Variants in ATG4B observed in about 807,000 individuals in gnomAD.
ATG4B encodes autophagy related 4B cysteine peptidase.
Under a neutral mutation model 56.6 loss-of-function variants are expected in ATG4B, and 29 were observed. The ratio of observed to expected loss-of-function variants is 0.51; its 90% CI spans 0.38 to 0.70. The LOEUF is 0.70. Ranked by LOEUF, ATG4B falls within the 30% of genes least tolerant of loss-of-function variation. The pLI is 0.00. For synonymous variants in ATG4B, 224 were observed against 206.1 expected (o/e 1.09, Z -0.74); for missense variants, 461 against 515.5 (o/e 0.89, Z 1.02).
chr2:241,659,560 T>C, intron 7 of ATG4B: 1 of 353,232 alleles, frequency 2.8e-6, no homozygotes, highest in Non-Finnish European at 5.6e-6. Flanking sequence ...CATCTCTAGC[T>C]GCACCATCTC....
intron 10 of ATG4B, among the ~76,000 whole-genome samples, chr2:241,669,698 G>C (rs952943654): frequency 6.6e-6 from 1 of 152,154 alleles, no homozygotes; most frequent in African/African-American, 2.4e-5. Context: ...TAATAGAGAC[G>C]GGTTTTCACT....
At chr2:241,653,644 C>G in intron 4 of ATG4B, 34 bp downstream of exon 4, 1 of 1,547,824 alleles carries the variant, frequency 6.5e-7, no homozygotes, top group East Asian at 2.4e-5. Context: ...CGCATGGCCA[C>G]GGTGTTCTCA....
intron 1 of ATG4B, among the ~76,000 whole-genome samples, chr2:241,637,981 T>G (rs1028244852): frequency 2.6e-5 from 4 of 151,476 alleles, no homozygotes; most frequent in East Asian, 1.9e-4. Flanking sequence ...TCCGGTCCCG[T>G]CCGGAGCGCT....
At chr2:241,644,672 G>A (rs1458554001) in intron 1 of ATG4B, among the ~76,000 whole-genome samples, 2 of 152,114 alleles carry the variant, frequency 1.3e-5, no homozygotes, top group African/African-American at 4.8e-5. Flanking sequence ...AGTGTCGGCC[G>A]GTTGCGGTGG....
intron 6 of ATG4B, among the ~76,000 whole-genome samples, chr2:241,656,970 C>T (rs1000420614): frequency 4.0e-5 from 6 of 150,992 alleles, no homozygotes; most frequent in Non-Finnish European, 7.4e-5. Context: ...CAGGACTCCT[C>T]TCTTTTTTCT....
rs1227511440 is a variant in ATG4B, at chr2:241,668,524, T to C, written c.812-16T>C. On this transcript the variant is annotated splice_polypyrimidine_tract_variant and intron_variant, in intron 9 of 12. Transcript: ENST00000404914. The surrounding 1 kb of genome is among the most constrained non-coding windows in gnomAD (Gnocchi z 4.2). ...CGGCTCGGCCACCCACCTGCCCACC[T>C]GCCTCATCCTCCCAGGTGAGGAGCT... 1 of 1,605,480 alleles carries C rather than the reference T, an allele frequency of 6.2e-7. No homozygotes were observed. The highest frequency in any genetic ancestry group is 8.5e-7 in the Non-Finnish European group (1 of 1,178,606).
At chr2:241,657,260 CCA>C (rs1417200680) in intron 6 of ATG4B, among the ~76,000 whole-genome samples, 2 of 149,462 alleles carry the variant, frequency 1.3e-5, no homozygotes, top group Admixed American at 1.3e-4. Flanking sequence ...CAGGCGTGAG[CCA>C]CCGCGCCTGG....
chr2:241,665,659 CTA>C (rs1208885157), intron 7 of ATG4B, among the ~76,000 whole-genome samples: 10 of 152,186 alleles, frequency 6.6e-5, no homozygotes, highest in African/African-American at 1.9e-4. Flanking sequence ...CAGTGGGACA[CTA>C]TGTCAGATCC....
Position 241,672,397 on chromosome 2 carries a change from C to A in ATG4B, c.*133C>A. 2.5e-6 allele frequency: 2 copies of A among 797,356 alleles called. No individual in the cohort carries two copies. The highest frequency in any genetic ancestry group is 4.0e-6 in the Non-Finnish European group (2 of 497,678). 49.4% of individuals were successfully genotyped at this position (797,356 alleles called of 1,614,324 possible). A position where few individuals can be genotyped will look rare whatever the true frequency, so the allele number is the denominator to read the frequency against. Reference sequence around the variant, plus strand: ...TCCCCCCAGAGGGCCACCCGCTGTGCTCGTGGACTGAGGCTGCGCTGCCCG... The same window carrying A: ...TCCCCCCAGAGGGCCACCCGCTGTGATCGTGGACTGAGGCTGCGCTGCCCG... On this transcript the variant is annotated 3_prime_UTR_variant, in exon 13 of 13. Transcript: ENST00000404914.
At chr2:241,659,441 TTGGTTACA>T (rs1408019832) in intron 7 of ATG4B, 30 of 557,374 alleles carry the variant, frequency 5.4e-5, no homozygotes, top group Non-Finnish European at 9.9e-5. Flanking sequence ...GTTTTGTGTC[TTGGTTACA>T]AATCGTTTAT....
At chr2:241,646,079 C>T (rs2068052673) in intron 1 of ATG4B, among the ~76,000 whole-genome samples, 1 of 152,234 alleles carries the variant, frequency 6.6e-6, no homozygotes, top group African/African-American at 2.4e-5. Context: ...GTAATTTTCA[C>T]AGTTATAGCT....
chr2:241,668,314 C>A lies in ATG4B; in HGVS notation c.811+93C>A. Reference sequence around the variant, plus strand: ...CCACACCCCAGGTGACCACTTGAGGCCACTGGTGGAAAAGCAGCATGCCCT... The same window carrying A: ...CCACACCCCAGGTGACCACTTGAGGACACTGGTGGAAAAGCAGCATGCCCT... On this transcript the variant is annotated intron_variant, in intron 9 of 12. Transcript: ENST00000404914. The surrounding 1 kb of genome is among the most constrained non-coding windows in gnomAD (Gnocchi z 4.2). 1 of 1,451,260 alleles carries A rather than the reference C, an allele frequency of 6.9e-7. No individual in the cohort carries two copies. The highest frequency in any genetic ancestry group is 1.2e-5 in the South Asian group (1 of 81,650). 89.9% of individuals were successfully genotyped at this position (1,451,260 alleles called of 1,614,324 possible). A position where few individuals can be genotyped will look rare whatever the true frequency, so the allele number is the denominator to read the frequency against.
intron 12 of ATG4B, 23 bp from the exon 13 acceptor site, chr2:241,672,168 G>A (rs1281080747): frequency 2.6e-6 from 4 of 1,562,856 alleles, no homozygotes; most frequent in Non-Finnish European, 3.5e-6. Context: ...GATGCCTGAT[G>A]CGCTATGTCC....
chr2:241,659,147 C>A lies in ATG4B; in HGVS notation c.498C>A (p.Val166=). 1.9e-6 allele frequency: 3 copies of A among 1,613,362 alleles called. No homozygotes were observed. The highest frequency in any genetic ancestry group is 2.2e-5 in the South Asian group (2 of 91,004). The part of the protein sequence containing the change: ...AVFDTWSSLA[V]HIAMDNTVVM... ...TCGATACGTGGAGCTCCTTGGCGGTCCACATTGCAATGGACAACACTGTTG... is the reference window on the plus strand; with the variant it reads ...TCGATACGTGGAGCTCCTTGGCGGTACACATTGCAATGGACAACACTGTTG... The change falls in exon 7 of 13, where the codon GTC becomes GTA. Residue 166 remains valine, a synonymous_variant. Transcript: ENST00000404914.
intron 12 of ATG4B, 85 bp from the exon 13 acceptor site, chr2:241,672,106 C>T: frequency 2.0e-6 from 3 of 1,530,942 alleles, no homozygotes; most frequent in Non-Finnish European, 2.6e-6. Flanking sequence ...AGGCACTGCT[C>T]AGTCTGCCCC....
intron 7 of ATG4B, among the ~76,000 whole-genome samples, chr2:241,663,892 T>A (rs759094975): frequency 2.0e-4 from 31 of 151,880 alleles, no homozygotes; most frequent in Non-Finnish European, 3.7e-4. Context: ...TCACTGCAAT[T>A]TCCGCTGCCC....
chr2:241,666,731 G>A lies in ATG4B; in HGVS notation c.625G>A (p.Gly209Arg), dbSNP rs368701580. 4.2e-5 allele frequency: 67 copies of A among 1,611,218 alleles called. 2 individuals are homozygous for A. The highest frequency in any genetic ancestry group is 2.0e-4 in the African/African-American group (15 of 74,880). ...SDRHCNGFPAGAEVTNRPSPW... is the reference protein window; with the variant it reads ...SDRHCNGFPARAEVTNRPSPW... The stretch of plus-strand genomic sequence containing the variant: ...CCGGCACTGCAACGGATTCCCTGCC[G>A]GAGCTGAGGTCACCAACAGGCCGTC... Residue 209 changes from glycine to arginine, a missense_variant, in exon 8 of 13, where the codon GGA (glycine) becomes AGA (arginine). Physicochemically the swap from Gly to Arg is moderately radical, Grantham distance 125. Coordinates refer to ENST00000404914, the MANE Select transcript of ATG4B (RefSeq NM_013325.5).
chr2:241,660,652 A>G (rs952906849), intron 7 of ATG4B, among the ~76,000 whole-genome samples: 1 of 152,244 alleles, frequency 6.6e-6, no homozygotes, highest in African/African-American at 2.4e-5. Flanking sequence ...AACTCATATG[A>G]GCATTTTGAC....
chr2:241,666,476 A>G (rs1314538392), intron 7 of ATG4B, 169 bp from the exon 8 acceptor site: 3 of 691,612 alleles, frequency 4.3e-6, no homozygotes, highest in Non-Finnish European at 7.4e-6. Context: ...TGGCAAGATT[A>G]TGAAAAAATT....
Sources: gnomAD v4.1 joint callset for allele counts (sites outside exome capture counted in the v4.1 genomes callset) on GRCh38, gnomAD v4.1.1 for gene constraint, Gnocchi (gnomAD v3.1) non-coding constraint, MANE v1.5 for transcripts, NCBI Gene and HGNC (gene_info 2026-07-23, HGNC 2026-07-21) for gene names.